The following CHTF18 variants were observed in gnomAD, a reference collection of about 807,000 sequenced individuals.
The protein encoded by CHTF18 is chromosome transmission fidelity protein 18 homolog.
Under a neutral mutation model 113.4 loss-of-function variants are expected in CHTF18, and 151 were observed. The observed-to-expected ratio is 1.33, with a 90% CI of 1.17 to 1.52. The LOEUF is 1.52. Ranked by LOEUF, CHTF18 falls within the 40% of genes most tolerant of loss-of-function variation. CHTF18 has a pLI of 0.00. For missense variants in CHTF18, 1,982 were observed against 1,381.6 expected, an observed-to-expected ratio of 1.43 and a Z score of -6.89; for synonymous variants, 916 against 598.8, an observed-to-expected ratio of 1.53 and a Z score of -7.74.
Position 797,824 on chromosome 16 carries a change from C to A in CHTF18, c.2792-15C>A, listed in dbSNP as rs565956721. 4 of 1,596,454 alleles carry A rather than the reference C, an allele frequency of 2.5e-6. No individual in the cohort carries two copies. The highest frequency in any genetic ancestry group is 1.7e-5 in the Admixed American group (1 of 57,770). On this transcript the variant is annotated splice_polypyrimidine_tract_variant and intron_variant, in intron 21 of 21. Coordinates refer to ENST00000262315, the MANE Select transcript of CHTF18 (RefSeq NM_022092.3). ...GGGGGCCTTACAGCTGAGGAGCAAC[C>A]CTGTGGCCCCGCAGGGGACACGGCC...
At chr16:797,783 G>T in intron 21 of CHTF18, 32 bp downstream of exon 21, 1 of 1,596,012 alleles carries the variant, frequency 6.3e-7, no homozygotes, top group Non-Finnish European at 8.5e-7. Flanking sequence ...GGTTGTGGGG[G>T]GCCTGGGGGT....
chr16:797,359 A>G (rs539062253), intron 20 of CHTF18, among the ~76,000 whole-genome samples: 16 of 152,096 alleles, frequency 1.1e-4, no homozygotes, highest in African/African-American at 3.9e-4. Flanking sequence ...GGGCTGAGCC[A>G]CAGGAGGAGT....
intron 8 of CHTF18, 74 bp from the exon 9 acceptor site, chr16:791,777 C>G: frequency 6.6e-7 from 1 of 1,519,046 alleles, no homozygotes. Flanking sequence ...ACACATGTGG[C>G]AGTCCCTGGC....
chr16:796,969 G>A lies in CHTF18; in HGVS notation c.2610G>A (p.Gly870=). Residue 870 remains glycine (G), a synonymous_variant, in exon 20 of 22, where the codon GGG becomes GGA. Coordinates refer to ENST00000262315, the MANE Select transcript of CHTF18 (RefSeq NM_022092.3). ...ATGCCTGCTCCCTACAGGTGGATGGGAGCCCCCCAGGGCTCGAGGGTCTGC... is the reference window on the plus strand; with the variant it reads ...ATGCCTGCTCCCTACAGGTGGATGGAAGCCCCCCAGGGCTCGAGGGTCTGC... ...ARVENSPQVD[G]SPPGLEGLLG... 6.6e-7 allele frequency: 1 copy of A among 1,525,880 alleles called. No homozygotes were observed. Among genetic ancestry groups the A allele is most frequent in the Non-Finnish European group, 8.8e-7 (1 of 1,134,266 alleles). 94.5% of individuals were successfully genotyped at this position (1,525,880 alleles called of 1,614,324 possible).
intron 7 of CHTF18, 158 bp from the exon 8 acceptor site, chr16:791,001 GGT>G: frequency 1.4e-6 from 2 of 1,464,794 alleles, no homozygotes; most frequent in Non-Finnish European, 1.8e-6. Flanking sequence ...TGGAGCCCCT[GGT>G]GTGAGCCTTG....
chr16:789,702 C>G lies in CHTF18; in HGVS notation c.593C>G (p.Ala198Gly). The part of the protein sequence containing the change: ...AYLVLRADPM[A>G]PGVQGSLLHV... ...CTGGTGCTGCGTGCTGACCCCATGG[C>G]CCCGGGGGTGCAGGTGCGTGGCTGT... Residue 198 changes from alanine (A) to glycine (G), a missense_variant, in exon 4 of 22, where the codon GCC (alanine) becomes GGC (glycine). By Grantham distance (60) the Ala-to-Gly change is moderately conservative. Transcript: ENST00000262315. 6.3e-7 allele frequency: 1 copy of G among 1,591,010 alleles called. No homozygotes were observed. Among genetic ancestry groups the G allele is most frequent in the Non-Finnish European group, 8.5e-7 (1 of 1,174,420 alleles).
At chr16:792,011 C>G (rs571352687) in intron 9 of CHTF18, 63 bp downstream of exon 9, 1 of 1,557,248 alleles carries the variant, frequency 6.4e-7, no homozygotes, top group Non-Finnish European at 8.7e-7. Flanking sequence ...GTTCTGGTGG[C>G]GGACCTGAAA....
chr16:793,663 G>C (rs758734858), intron 14 of CHTF18: 2 of 546,336 alleles, frequency 3.7e-6, no homozygotes, highest in Non-Finnish European at 6.8e-6. Context: ...GGCAGGAGCA[G>C]CCAGCATGTC....
chr16:793,973 C>A, intron 14 of CHTF18, 81 bp from the exon 15 acceptor site: 1 of 1,486,226 alleles, frequency 6.7e-7, no homozygotes. Context: ...TCTGATGGGG[C>A]CTCTGAGTGT....
Position 795,823 on chromosome 16 carries a change from A to G in CHTF18, c.2314A>G (p.Lys772Glu). ...CCTGCTCCTGGACATTCTTGCACCC[A>G]AGCTCCGCCCCGTGAGTGCCGTCCC... ...LCLLLDILAP[K>E]LRPVSTQLYS... Residue 772 changes from lysine to glutamate, a missense_variant, in exon 17 of 22, where the codon AAG becomes GAG. By Grantham distance (56) the Lys-to-Glu change is moderately conservative (BLOSUM62 1). Transcript: ENST00000262315. The G allele has an allele frequency of 6.2e-7, 1 of 1,609,204 alleles. No individual in the cohort carries two copies. Among genetic ancestry groups the G allele is most frequent in the Non-Finnish European group, 8.5e-7 (1 of 1,178,596 alleles).
rs200335353 is a variant in CHTF18 at position 791,840 on chromosome 16, C to T, written c.1105-11C>T. 1 of 1,595,948 alleles carries T rather than the reference C, an allele frequency of 6.3e-7. No individual in the cohort carries two copies. The highest frequency in any genetic ancestry group is 2.3e-5 in the East Asian group (1 of 44,030). On this transcript the variant is annotated splice_polypyrimidine_tract_variant and intron_variant, in intron 8 of 21. Transcript: ENST00000262315. ...CGGTGCACACTACGCCTTCATCTAC[C>T]TGGGCTGCAGGTGGCACTGCTCTGT...
In CHTF18 at chr16:788,919, C is replaced by G. The variant is rs1338527668; in HGVS notation, c.92-12C>G. On this transcript the variant is annotated splice_polypyrimidine_tract_variant and intron_variant, in intron 1 of 21. Transcript: ENST00000262315. ...TCTCGGGGCGGCCGCTGACAATCTC[C>G]TCTCCCAGCAGGGGCGTCGACTCCG... 2 of 1,532,514 alleles carry G rather than the reference C, an allele frequency of 1.3e-6. No individual in the cohort carries two copies. The highest frequency in any genetic ancestry group is 8.7e-7 in the Non-Finnish European group (1 of 1,149,846). 94.9% of individuals were successfully genotyped at this position (1,532,514 alleles called of 1,614,324 possible).
In CHTF18 at chr16:791,357, G is replaced by T; in HGVS notation, c.1091G>T (p.Arg364Leu). The T allele has an allele frequency of 1.2e-6, 2 of 1,603,000 alleles. No homozygotes were observed. The highest frequency in any genetic ancestry group is 2.2e-5 in the South Asian group (2 of 90,206). ...GAGGCTGGGCTGGACCCGAGCCAGC[G>T]ACCGAAGCAGAAGGTGAGCCCCGCT... ...MLEAGLDPSQ[R>L]PKQKVALLCG... is the part of the protein sequence containing the mutation. Residue 364 changes from arginine (R) to leucine (L), a missense_variant, in exon 8 of 22, where the codon CGA becomes CTA. Arg to Leu is a moderately radical substitution (Grantham distance 102). Transcript: ENST00000262315.
In CHTF18 at chr16:788,648, G is replaced by A. The variant is rs777956286; in HGVS notation, c.-37G>A. 8.6e-4 allele frequency: 1,256 copies of A among 1,457,506 alleles called. 1 individual carries two copies. The highest frequency in any genetic ancestry group is 1.1e-3 in the Non-Finnish European group (1,199 of 1,099,014). 90.3% of individuals were successfully genotyped at this position (1,457,506 alleles called of 1,614,324 possible). A position where few individuals can be genotyped will look rare whatever the true frequency, so the allele number is the denominator to read the frequency against. ...CAGTGCGCGACGGCGGCGGCGGCGC[G>A]GGAGGTTCGGAGCGGGAGCTCGGGC... On this transcript the variant is annotated 5_prime_UTR_variant, in exon 1 of 22. Coordinates refer to ENST00000262315, the MANE Select transcript of CHTF18 (RefSeq NM_022092.3).
chr16:796,580 CG>C, intron 18 of CHTF18, 136 bp from the exon 19 acceptor site: 8 of 1,029,914 alleles, frequency 7.8e-6, no homozygotes, highest in Non-Finnish European at 1.1e-5. Context: ...GGTTGGGGTG[CG>C]GTGGCACCAG....
chr16:793,933 C>T lies in CHTF18; in HGVS notation c.1803-121C>T, dbSNP rs1399265153. Reference sequence around the variant, plus strand: ...TCCACCTGAGCGAGGCAGCAAGGGCCCTGCTGAGAAGAATGAAGTGGGTGG... The same window carrying T: ...TCCACCTGAGCGAGGCAGCAAGGGCTCTGCTGAGAAGAATGAAGTGGGTGG... On this transcript the variant is annotated intron_variant, in intron 14 of 21. Coordinates refer to ENST00000262315, the MANE Select transcript of CHTF18 (RefSeq NM_022092.3). 5 of 1,147,516 alleles carry T rather than the reference C, an allele frequency of 4.4e-6. No homozygotes were observed. In the African/African-American group the frequency reaches 6.1e-5, roughly 14 times the overall value. 71.1% of individuals were successfully genotyped at this position (1,147,516 alleles called of 1,614,324 possible).
chr16:791,202 C>G lies in CHTF18; in HGVS notation c.936C>G (p.Asp312Glu). 1.2e-6 allele frequency: 2 copies of G among 1,611,746 alleles called. No individual in the cohort carries two copies. The highest frequency in any genetic ancestry group is 1.7e-6 in the Non-Finnish European group (2 of 1,179,580). Residue 312 changes from aspartate (D) to glutamate (E), a missense_variant, in exon 8 of 22, where the codon GAC becomes GAG. Asp to Glu is a conservative substitution (Grantham distance 45, BLOSUM62 2). Transcript: ENST00000262315. ...RCLLKWLKLW[D>E]LVVFGHERPS... ...TGCTCAAGTGGCTGAAGTTGTGGGACCTGGTGGTGTTTGGCCACGAGAGGC... is the reference window on the plus strand; with the variant it reads ...TGCTCAAGTGGCTGAAGTTGTGGGAGCTGGTGGTGTTTGGCCACGAGAGGC...
rs373047501 is a variant in CHTF18 at position 790,246 on chromosome 16, C to G, written c.676C>G (p.Leu226Val). Residue 226 changes from leucine (L) to valine (V), a missense_variant, in exon 5 of 22, where the codon CTG (leucine) becomes GTG (valine). Physicochemically the swap from Leu to Val is conservative, Grantham distance 32 (BLOSUM62 1). Coordinates refer to ENST00000262315, the MANE Select transcript of CHTF18 (RefSeq NM_022092.3). ...CCTGCTGGGTGTGTCCTTAGCCTCC[C>G]TGAAGAAGCAGGTCGACGGCGAGGT... ...LDLLGVSLAS[L>V]KKQVDGERRE... 6 of 1,606,984 alleles carry G rather than the reference C, an allele frequency of 3.7e-6. No individual in the cohort carries two copies. Among genetic ancestry groups the G allele is most frequent in the Non-Finnish European group, 5.1e-6 (6 of 1,177,736 alleles).
Position 789,410 on chromosome 16 carries a change from A to C in CHTF18, c.437+50A>C, listed in dbSNP as rs564598440. ...CCATCCCATCTGTCCAGTGGGACTC[A>C]GATGGAGCCCATCCCGTGCCCTGGA... On this transcript the variant is annotated intron_variant, in intron 3 of 21. Coordinates refer to ENST00000262315, the MANE Select transcript of CHTF18 (RefSeq NM_022092.3). 3.2e-6 allele frequency: 5 copies of C among 1,540,178 alleles called. No homozygotes were observed. The African/African-American group carries it at 5.5e-5, about 17-fold the overall frequency.
Sources: gnomAD v4.1 joint callset for allele counts (sites outside exome capture counted in the v4.1 genomes callset) on GRCh38, gnomAD v4.1.1 for gene constraint, MANE v1.5 for transcripts, NCBI Gene and HGNC (gene_info 2026-07-23, HGNC 2026-07-21) for gene names.